USP31: variants seen among roughly 807,000 people sequenced by gnomAD.
USP31 encodes ubiquitin carboxyl-terminal hydrolase 31.
USP31 carries 44 observed loss-of-function variants against 119.4 expected under a neutral mutation model. The observed-to-expected ratio is 0.37, with a 90% confidence interval of 0.29 to 0.47. The LOEUF is 0.47. Ranked by LOEUF, USP31 falls within the 20% of genes least tolerant of loss-of-function variation. USP31 has a pLI of 0.99. For missense variants in USP31, 1,643 were observed against 1,730.2 expected (o/e 0.95, Z 0.89); for synonymous variants, 749 against 705.6 (o/e 1.06, Z -0.97).
intron 1 of USP31, among the ~76,000 whole-genome samples, chr16:23,119,907 C>G (rs1297591447): frequency 2.6e-5 from 4 of 152,150 alleles, no homozygotes; most frequent in Non-Finnish European, 5.9e-5. Context: ...GTGTTCTTCA[C>G]CTTAAATGCT....
intron 4 of USP31, 28 bp downstream of exon 4, chr16:23,106,185 G>A: frequency 6.2e-7 from 1 of 1,613,002 alleles, no homozygotes. Context: ...AGAAAATACA[G>A]TCTTCATTTT....
intron 1 of USP31, among the ~76,000 whole-genome samples, chr16:23,141,114 TA>T (rs1903339430): frequency 6.6e-6 from 1 of 152,178 alleles, no homozygotes; most frequent in Non-Finnish European, 1.5e-5. Flanking sequence ...ACTCTTGGAA[TA>T]AAATCTAAAC....
At chr16:23,147,641 T>A (rs1390764020) in intron 1 of USP31, among the ~76,000 whole-genome samples, 1 of 152,110 alleles carries the variant, frequency 6.6e-6, no homozygotes, top group Admixed American at 6.5e-5. Context: ...GGGCCATACA[T>A]ACCCCCAGGG....
At chr16:23,129,339 C>A (rs1426042548) in intron 1 of USP31, among the ~76,000 whole-genome samples, 1 of 152,206 alleles carries the variant, frequency 6.6e-6, no homozygotes, top group East Asian at 1.9e-4. Context: ...CACAGTTGTA[C>A]ACATATATGT....
chr16:23,138,518 A>T (rs1339274659), intron 1 of USP31, among the ~76,000 whole-genome samples: 4 of 152,118 alleles, frequency 2.6e-5, no homozygotes, highest in Non-Finnish European at 5.9e-5. Flanking sequence ...ATCATACCAC[A>T]AGCTTGTCTA....
chr16:23,098,056 T>A (rs1390152004), intron 6 of USP31, among the ~76,000 whole-genome samples: 1 of 152,196 alleles, frequency 6.6e-6, no homozygotes, highest in Non-Finnish European at 1.5e-5. Flanking sequence ...GATGACATGA[T>A]TGTATATCTA....
rs752322906 is a variant in USP31 at position 23,073,812 on chromosome 16, C to T, written c.2245G>A (p.Glu749Lys). The change falls in exon 14 of 16, where the codon GAA becomes AAA. Residue 749 changes from glutamate to lysine, a missense_variant. This residue lies in a region of USP31 where 279 missense variants were observed against 372.2 expected (regional missense o/e 0.75). Coordinates refer to ENST00000219689, the MANE Select transcript of USP31 (RefSeq NM_020718.4). ...GCTGTCTGCGTGCAGACCTCATCTT[C>T]TGACAGCTGCTGCACATCGCTGTCA... ...FDDSDVQQLSEDEVCTQTAYI... is the reference protein window; with the variant it reads ...FDDSDVQQLSKDEVCTQTAYI... The T allele has an allele frequency of 1.2e-6, 2 of 1,614,180 alleles. No homozygotes were observed. The highest frequency in any genetic ancestry group is 2.2e-5 in the South Asian group (2 of 91,082).
At chr16:23,127,192 C>A (rs1009216010) in intron 1 of USP31, among the ~76,000 whole-genome samples, 1 of 152,026 alleles carries the variant, frequency 6.6e-6, no homozygotes, top group Non-Finnish European at 1.5e-5. Flanking sequence ...CCTTGGGAGG[C>A]CAAGGCAGGA....
At chr16:23,085,127 T>A in intron 10 of USP31, 138 bp from the exon 11 acceptor site, 1 of 1,254,588 alleles carries the variant, frequency 8.0e-7, no homozygotes, top group Non-Finnish European at 1.1e-6. Context: ...ACAAAAGTAG[T>A]GACCCAACTT....
intron 13 of USP31, 82 bp from the exon 14 acceptor site, chr16:23,073,962 T>G: frequency 1.9e-6 from 3 of 1,586,208 alleles, no homozygotes; most frequent in Non-Finnish European, 2.6e-6. Context: ...TCTCTTTGGC[T>G]CATCTAATTA....
chr16:23,080,767 G>A (rs1470437798), intron 12 of USP31, among the ~76,000 whole-genome samples: 1 of 152,186 alleles, frequency 6.6e-6, no homozygotes, highest in Non-Finnish European at 1.5e-5. Flanking sequence ...GTGTCTATGG[G>A]AACTTTAAAA....
chr16:23,072,520 T>TC, intron 14 of USP31: 3 of 573,094 alleles, frequency 5.2e-6, no homozygotes, highest in Admixed American at 3.3e-5. Flanking sequence ...ATACATTCAT[T>TC]CTACAAATAT....
intron 1 of USP31, among the ~76,000 whole-genome samples, chr16:23,127,795 C>G (rs534293965): frequency 6.6e-6 from 1 of 152,192 alleles, no homozygotes; most frequent in Admixed American, 6.5e-5. Context: ...CTAATATTAA[C>G]TATATATCCA....
chr16:23,127,884 T>C (rs371077471), intron 1 of USP31, among the ~76,000 whole-genome samples: 28 of 152,338 alleles, frequency 1.8e-4, no homozygotes, highest in African/African-American at 6.7e-4. Context: ...CCTAGTAGAA[T>C]ATATGCTATG....
At chr16:23,120,353 A>C (rs772813640) in intron 1 of USP31, among the ~76,000 whole-genome samples, 1 of 152,362 alleles carries the variant, frequency 6.6e-6, no homozygotes, top group South Asian at 2.1e-4. Flanking sequence ...AAAAGCATCA[A>C]GTTGTACACT....
In USP31 at chr16:23,121,431, T is replaced by C. The variant is rs527878647; in HGVS notation, c.634-13248A>G. ...CCAGTCTTCTCCTAGCAAAGTACAATTTAGAACCTTCCCAGCCTAGGCCTG... is the reference window on the plus strand; with the variant it reads ...CCAGTCTTCTCCTAGCAAAGTACAACTTAGAACCTTCCCAGCCTAGGCCTG... On this transcript the variant is annotated intron_variant, in intron 1 of 15. Coordinates refer to ENST00000219689, the MANE Select transcript of USP31 (RefSeq NM_020718.4). 3.9e-5 allele frequency among the ~76,000 whole-genome samples: 6 copies of C among 152,324 alleles called. No individual in the cohort carries two copies. In the South Asian group the frequency reaches 1.2e-3, roughly 32 times the overall value.
rs971546597 is a variant in USP31 at position 23,100,666 on chromosome 16, G to A, written c.1234+1653C>T. On this transcript the variant is annotated intron_variant, in intron 6 of 15. Coordinates refer to ENST00000219689, the MANE Select transcript of USP31 (RefSeq NM_020718.4). ...CATGCGCCTGTGATCCCAGCTACTC[G>A]GGAGGCTAAGGTTGCGGTGAGCCAA... Among the ~76,000 whole-genome samples the A allele has an allele frequency of 5.3e-5, 8 of 152,078 alleles. No homozygotes were observed. In the East Asian group the frequency reaches 5.8e-4, roughly 11 times the overall value.
chr16:23,073,314 A>C (rs1900421174), intron 14 of USP31, among the ~76,000 whole-genome samples: 2 of 152,122 alleles, frequency 1.3e-5, no homozygotes, highest in African/African-American at 4.8e-5. Flanking sequence ...ATCTAACTGG[A>C]TGCTTACGAT....
rs1468541379 is a variant in USP31, at chr16:23,068,389, C to CG, written c.3715dup (p.Arg1239ProfsTer14). 6.2e-7 allele frequency: 1 copy of CG among 1,614,002 alleles called. No homozygotes were observed. The highest frequency in any genetic ancestry group is 1.3e-5 in the African/African-American group (1 of 75,048). ...TGTCTTGCCAAGATCCGTCGAGCGC[C>CG]GGGTTTCCTTCTGTCTCAAGGCTGA... On this transcript the variant is annotated frameshift_variant, in exon 16 of 16. Transcript: ENST00000219689. LOFTEE classifies it high-confidence loss of function.
Sources: allele counts gnomAD v4.1 joint callset (sites outside exome capture counted in the v4.1 genomes callset), GRCh38; gene constraint gnomAD v4.1.1; regional missense constraint gnomAD v4.1.1; transcripts MANE v1.5; gene names NCBI Gene and HGNC (gene_info 2026-07-23, HGNC 2026-07-21).